Variants in TRMT10A observed in about 807,000 individuals in gnomAD.
TRMT10A encodes the protein tRNA methyltransferase 10 homolog A.
TRMT10A carries 37 observed loss-of-function variants against 40.4 expected under a neutral mutation model. That is an observed-to-expected ratio of 0.92 (90% confidence interval 0.71 to 1.21). The LOEUF (loss-of-function observed/expected upper bound fraction) is 1.21, where lower values mean the gene tolerates loss of function less well. TRMT10A is among the 50% of genes most tolerant of loss of function. TRMT10A has a pLI of 0.00. For synonymous variants in TRMT10A, 103 were observed against 134.1 expected (o/e 0.77, Z 1.60); for missense variants, 388 against 404.3 (o/e 0.96, Z 0.35).
At chr4:99,563,438 T>A (rs981172157) in intron 1 of TRMT10A, 4 of 159,934 alleles carry the variant, frequency 2.5e-5, no homozygotes, top group Non-Finnish European at 4.1e-5. Flanking sequence ...GCAGGAAAAA[T>A]GAGGTAAGGC....
At position 99,550,953 on chromosome 4, in the gene TRMT10A, T is replaced by A; in HGVS notation, c.683A>T (p.Asn228Ile). Residue 228 changes from asparagine (N) to isoleucine (I), a missense_variant, in exon 7 of 8, where the codon AAT becomes ATT. Asn to Ile is a moderately radical substitution (Grantham distance 149). Coordinates refer to ENST00000394876, the MANE Select transcript of TRMT10A (RefSeq NM_001134665.3). ...TYKQASDYGI[N>I]HAQLPLGNFV... Reference sequence around the variant, plus strand: ...ATTTCCAAGTGGGAGCTGTGCATGATTGATTCCATAATCTGACGCTTGTTT... The same window carrying A: ...ATTTCCAAGTGGGAGCTGTGCATGAATGATTCCATAATCTGACGCTTGTTT... 1 of 1,612,892 alleles carries A rather than the reference T, an allele frequency of 6.2e-7. No homozygotes were observed. The highest frequency in any genetic ancestry group is 8.5e-7 in the Non-Finnish European group (1 of 1,179,424).
In TRMT10A at chr4:99,553,824, G is replaced by T; in HGVS notation, c.606C>A (p.Ala202=). The T allele has an allele frequency of 6.2e-7, 1 of 1,613,252 alleles. No homozygotes were observed. The part of the protein sequence containing the change: ...NILKELDESK[A]YVIGGLVDHN... ...GATCTACTAATCCTCCAATCACATA[G>T]GCCTTTGATTCATCTAATTCCTTCA... The change falls in exon 6 of 8, where the codon GCC becomes GCA. Residue 202 remains alanine (A), a synonymous_variant. Transcript: ENST00000394876.
rs759680038 is a variant in TRMT10A, at chr4:99,553,870, G to C, written c.560C>G (p.Thr187Arg). ...LIKKEDLIYLTSDSPNILKEL... is the reference protein window; with the variant it reads ...LIKKEDLIYLRSDSPNILKEL... ...CTTCAGTATATTAGGTGAATCTGAC[G>C]TAAGGTAAATCAGGTCTTCTTTCTT... Residue 187 changes from threonine (T) to arginine (R), a missense_variant, in exon 6 of 8, where the codon ACG (threonine) becomes AGG (arginine). Thr to Arg is a moderately conservative substitution (Grantham distance 71, BLOSUM62 -1). Coordinates refer to ENST00000394876, the MANE Select transcript of TRMT10A (RefSeq NM_001134665.3). 1.2e-6 allele frequency: 2 copies of C among 1,613,422 alleles called. No individual in the cohort carries two copies.
chr4:99,563,092 A>AT (rs1444270302), intron 1 of TRMT10A, among the ~76,000 whole-genome samples: 6 of 152,178 alleles, frequency 3.9e-5, no homozygotes, highest in Admixed American at 3.3e-4. Context: ...AAGTGCGGGG[A>AT]TTACAGACGT....
intron 5 of TRMT10A, among the ~76,000 whole-genome samples, chr4:99,555,934 A>G (rs1392621108): frequency 6.6e-6 from 1 of 152,180 alleles, no homozygotes; most frequent in Non-Finnish European, 1.5e-5. Flanking sequence ...TGACCATAAA[A>G]TAGGGAAGAT....
At chr4:99,554,542 GA>G (rs1191145602) in intron 5 of TRMT10A, among the ~76,000 whole-genome samples, 2 of 151,880 alleles carry the variant, frequency 1.3e-5, no homozygotes, top group Non-Finnish European at 2.9e-5. Flanking sequence ...CCAACATGGT[GA>G]AACCCTGTCT....
chr4:99,554,880 C>T (rs1724106983), intron 5 of TRMT10A, among the ~76,000 whole-genome samples: 1 of 152,112 alleles, frequency 6.6e-6, no homozygotes, highest in Non-Finnish European at 1.5e-5. Flanking sequence ...AGCTGGCAGT[C>T]ATGATTTTGT....
chr4:99,552,211 G>T (rs1299638560), intron 6 of TRMT10A, among the ~76,000 whole-genome samples: 1 of 152,068 alleles, frequency 6.6e-6, no homozygotes, highest in Non-Finnish European at 1.5e-5. Context: ...TAATATCCAG[G>T]TCTTCACATT....
chr4:99,559,096 G>A, intron 2 of TRMT10A, 58 bp downstream of exon 2: 2 of 1,464,866 alleles, frequency 1.4e-6, no homozygotes, highest in South Asian at 2.8e-5. Flanking sequence ...GGCTATGCAA[G>A]GTTTAACATT....
chr4:99,556,900 C>G (rs1031891898), intron 4 of TRMT10A, among the ~76,000 whole-genome samples: 4 of 152,058 alleles, frequency 2.6e-5, no homozygotes, highest in Admixed American at 2.0e-4. Flanking sequence ...TAAAAAAGAC[C>G]TGTCAAAACT....
chr4:99,548,935 CTTTT>C lies in TRMT10A; in HGVS notation c.*149_*152del. On this transcript the variant is annotated 3_prime_UTR_variant, in exon 8 of 8. Coordinates refer to ENST00000394876, the MANE Select transcript of TRMT10A (RefSeq NM_001134665.3). Reference sequence around the variant, plus strand: ...ATATTTCCTTACAAAGTTTAAAGGGCTTTTTTTTTTATTATTATTTAGGTCCAAA... The same window carrying C: ...ATATTTCCTTACAAAGTTTAAAGGGCTTTTTTATTATTATTTAGGTCCAAA... 1 of 640,106 alleles carries C rather than the reference CTTTT, an allele frequency of 1.6e-6. No homozygotes were observed. The highest frequency in any genetic ancestry group is 2.3e-6 in the Non-Finnish European group (1 of 429,702). 39.7% of individuals were successfully genotyped at this position (640,106 alleles called of 1,614,324 possible). A position where few individuals can be genotyped will look rare whatever the true frequency, so the allele number is the denominator to read the frequency against.
At position 99,548,602 on chromosome 4, in the gene TRMT10A, T is replaced by C. The variant is rs1319048005; in HGVS notation, c.*486A>G. ...TTCTTCCTAAAATTACTACATTCTT[T>C]CAAGTAACTAATTTAAACATAAAAG... On this transcript the variant is annotated 3_prime_UTR_variant, in exon 8 of 8. Coordinates refer to ENST00000394876, the MANE Select transcript of TRMT10A (RefSeq NM_001134665.3). The C allele has an allele frequency of 2.0e-5, 3 of 152,404 alleles. No individual in the cohort carries two copies. The highest frequency in any genetic ancestry group is 4.4e-5 in the Non-Finnish European group (3 of 68,212). The allele number at this position is 152,404 out of a possible 1,614,324, so 9.4% of individuals were successfully genotyped here.
rs1489247642 is a variant in TRMT10A at position 99,557,705 on chromosome 4, ATACTAT to A, written c.349-295_349-290del. ...AGACAACAACAAGACTTTTAGAGCC[ATACTAT>A]TACTATTTTCATGTTTTACCAACAA... On this transcript the variant is annotated intron_variant, in intron 3 of 7. Transcript: ENST00000394876. The A allele has an allele frequency of 3.5e-4, 140 of 396,036 alleles. No individual in the cohort carries two copies. In the East Asian group the frequency reaches 5.3e-3, roughly 15 times the overall value. The allele number at this position is 396,036 out of a possible 1,614,324, so 24.5% of individuals were successfully genotyped here.
chr4:99,555,090 A>G (rs1724115035), intron 5 of TRMT10A, among the ~76,000 whole-genome samples: 1 of 152,244 alleles, frequency 6.6e-6, no homozygotes, highest in East Asian at 1.9e-4. Flanking sequence ...ATGAATCTCA[A>G]GTCTCTCTGG....
rs768144231 is a variant in TRMT10A at position 99,558,096 on chromosome 4, G to C, written c.301C>G (p.Leu101Val). ...AAACTACAGTCAATAATAAGGCGAA[G>C]GGTGCTATGAACAACATCTCTTCGA... ...RVRRDVVHSTLRLIIDCSFDH... is the reference protein window; with the variant it reads ...RVRRDVVHSTVRLIIDCSFDH... Residue 101 changes from leucine to valine, a missense_variant, in exon 3 of 8, where the codon CTT (leucine) becomes GTT (valine). Physicochemically the swap from Leu to Val is conservative, Grantham distance 32. Coordinates refer to ENST00000394876, the MANE Select transcript of TRMT10A (RefSeq NM_001134665.3). 1 of 1,611,216 alleles carries C rather than the reference G, an allele frequency of 6.2e-7. No individual in the cohort carries two copies. The highest frequency in any genetic ancestry group is 8.5e-7 in the Non-Finnish European group (1 of 1,178,940).
Position 99,549,314 on chromosome 4 carries a change from T to C in TRMT10A, c.794A>G (p.Gln265Arg), listed in dbSNP as rs747861253. 8 of 1,614,162 alleles carry C rather than the reference T, an allele frequency of 5.0e-6. No individual in the cohort carries two copies. In the Admixed American group the frequency reaches 5.0e-5, roughly 10 times the overall value. The change falls in exon 8 of 8, where the codon CAA becomes CGA. Residue 265 changes from glutamine to arginine, a missense_variant. Transcript: ENST00000394876. ...ILEYLETRDW[Q>R]EAFFTILPQR... Reference sequence around the variant, plus strand: ...GGGCAAGATAGTAAAAAATGCTTCTTGCCAGTCTCTTGTTTCCAGGTATTC... The same window carrying C: ...GGGCAAGATAGTAAAAAATGCTTCTCGCCAGTCTCTTGTTTCCAGGTATTC...
At chr4:99,558,574 A>G (rs1204420040) in intron 2 of TRMT10A, among the ~76,000 whole-genome samples, 1 of 152,138 alleles carries the variant, frequency 6.6e-6, no homozygotes, top group African/African-American at 2.4e-5. Flanking sequence ...CCACATTTAT[A>G]AGGTATAGAA....
chr4:99,555,648 C>G (rs1724135032), intron 5 of TRMT10A, among the ~76,000 whole-genome samples: 1 of 152,132 alleles, frequency 6.6e-6, no homozygotes. Flanking sequence ...TATTCACATT[C>G]TTTCTCTTTT....
In TRMT10A at chr4:99,553,838, C is replaced by T; in HGVS notation, c.592G>A (p.Asp198Asn). The T allele has an allele frequency of 6.2e-7, 1 of 1,613,462 alleles. No individual in the cohort carries two copies. Among genetic ancestry groups the T allele is most frequent in the Non-Finnish European group, 8.5e-7 (1 of 1,179,734 alleles). ...SDSPNILKEL[D>N]ESKAYVIGGL... ...CCAATCACATAGGCCTTTGATTCAT[C>T]TAATTCCTTCAGTATATTAGGTGAA... The change falls in exon 6 of 8, where the codon GAT becomes AAT. Residue 198 changes from aspartate to asparagine, a missense_variant. Physicochemically the swap from Asp to Asn is conservative, Grantham distance 23. Coordinates refer to ENST00000394876, the MANE Select transcript of TRMT10A (RefSeq NM_001134665.3).
Sources: allele counts gnomAD v4.1 joint callset (sites outside exome capture counted in the v4.1 genomes callset), GRCh38; gene constraint gnomAD v4.1.1; transcripts MANE v1.5; gene names NCBI Gene and HGNC (gene_info 2026-07-23, HGNC 2026-07-21).